MACROD2: variants seen among roughly 807,000 people sequenced by gnomAD.
MACROD2 encodes the protein mono-ADP ribosylhydrolase 2, also known as ADP-ribose glycohydrolase MACROD2.
MACROD2 carries 36 observed loss-of-function variants against 70.4 expected under a neutral mutation model. The ratio of observed to expected loss-of-function variants is 0.51; its 90% CI spans 0.39 to 0.68. The LOEUF is 0.68. Ranked by LOEUF, MACROD2 falls within the 30% of genes least tolerant of loss-of-function variation. MACROD2 has a pLI of 0.00. For synonymous variants in MACROD2, 172 were observed against 178.8 expected, an observed-to-expected ratio of 0.96 and a Z score of 0.30; for missense variants, 496 against 538.4, an observed-to-expected ratio of 0.92 and a Z score of 0.78.
At chr20:14,763,289 A>T (rs982221571) in intron 5 of MACROD2, among the ~76,000 whole-genome samples, 1 of 152,046 alleles carries the variant, frequency 6.6e-6, no homozygotes. Flanking sequence ...CTTGTCGCTC[A>T]TTTGGTGTTA....
At chr20:15,605,117 C>T (rs991563096) in intron 8 of MACROD2, among the ~76,000 whole-genome samples, 3 of 152,130 alleles carry the variant, frequency 2.0e-5, no homozygotes, top group African/African-American at 7.2e-5. Context: ...ACTAATATGT[C>T]GTTTCAGACC....
chr20:15,948,292 C>T (rs1027679987), intron 12 of MACROD2, among the ~76,000 whole-genome samples: 1 of 137,338 alleles, frequency 7.3e-6, no homozygotes, highest in African/African-American at 2.7e-5. Context: ...GTGGGAGGGA[C>T]AATGATCGGC....
At chr20:15,895,969 T>A (rs899274742) in intron 10 of MACROD2, among the ~76,000 whole-genome samples, 2 of 152,242 alleles carry the variant, frequency 1.3e-5, no homozygotes, top group African/African-American at 4.8e-5. Context: ...ATAACCTATG[T>A]CTCTGAATTC....
At chr20:15,930,218 G>C (rs375431785) in intron 10 of MACROD2, among the ~76,000 whole-genome samples, 2 of 152,178 alleles carry the variant, frequency 1.3e-5, no homozygotes, top group South Asian at 4.2e-4. Context: ...TGTGCTTCCT[G>C]TGACGATAGC....
chr20:15,070,521 G>T (rs895609006), intron 5 of MACROD2, among the ~76,000 whole-genome samples: 1 of 152,118 alleles, frequency 6.6e-6, no homozygotes, highest in Admixed American at 6.5e-5. Context: ...GTCTAGTGGG[G>T]AGTGTTTAGC....
chr20:14,724,062 T>G (rs2071500443), intron 5 of MACROD2, among the ~76,000 whole-genome samples: 1 of 152,158 alleles, frequency 6.6e-6, no homozygotes, highest in Non-Finnish European at 1.5e-5. Context: ...AAAATTAAGA[T>G]TTATTTCTTA....
At chr20:14,559,973 A>T (rs115087047) in intron 4 of MACROD2, among the ~76,000 whole-genome samples, 2,144 of 151,822 alleles carry the variant, frequency 0.014, 58 homozygotes, top group African/African-American at 0.049. Flanking sequence ...CTATCTATTC[A>T]CATTTCTCTT....
At chr20:14,104,908 T>C (rs916037712) in intron 3 of MACROD2, among the ~76,000 whole-genome samples, 29 of 152,342 alleles carry the variant, frequency 1.9e-4, no homozygotes, top group African/African-American at 7.0e-4. Flanking sequence ...CCCTCTGCTG[T>C]AGTTCAGTTC....
chr20:14,620,653 C>G (rs916965500), intron 4 of MACROD2, among the ~76,000 whole-genome samples: 2 of 151,888 alleles, frequency 1.3e-5, no homozygotes, highest in Admixed American at 6.6e-5. Flanking sequence ...TATTTGGGAA[C>G]AAGGAGCTGT....
chr20:14,729,865 A>T (rs951759259), intron 5 of MACROD2, among the ~76,000 whole-genome samples: 2 of 152,174 alleles, frequency 1.3e-5, no homozygotes, highest in Non-Finnish European at 2.9e-5. Flanking sequence ...TTATAGTATT[A>T]GAATCATTAG....
chr20:15,834,133 C>T (rs1403273000), intron 8 of MACROD2, among the ~76,000 whole-genome samples: 3 of 152,166 alleles, frequency 2.0e-5, no homozygotes, highest in Middle Eastern at 3.2e-3. Context: ...ATTTTGCCTT[C>T]ACCGCTTACT....
At chr20:15,586,206 GT>G (rs2048599328) in intron 8 of MACROD2, among the ~76,000 whole-genome samples, 2 of 152,162 alleles carry the variant, frequency 1.3e-5, no homozygotes, top group Admixed American at 1.3e-4. Context: ...AGAGGACCTT[GT>G]TAAGGCCACA....
intron 3 of MACROD2, among the ~76,000 whole-genome samples, chr20:14,345,869 G>A (rs2083058430): frequency 6.6e-6 from 1 of 151,826 alleles, no homozygotes; most frequent in Non-Finnish European, 1.5e-5. Flanking sequence ...TGATCACGAG[G>A]TCAAGAGATC....
intron 6 of MACROD2, among the ~76,000 whole-genome samples, chr20:15,251,638 T>C (rs73262743): frequency 0.11 from 16,950 of 152,264 alleles, 1,103 homozygotes; most frequent in African/African-American, 0.15. Context: ...TTAATATTTA[T>C]TTCCCTTTTG....
chr20:14,620,959 C>T (rs1168111937), intron 4 of MACROD2, among the ~76,000 whole-genome samples: 2 of 151,858 alleles, frequency 1.3e-5, no homozygotes, highest in Non-Finnish European at 2.9e-5. Flanking sequence ...GTTTGTATTC[C>T]AAGCAGATGG....
intron 3 of MACROD2, among the ~76,000 whole-genome samples, chr20:14,330,687 A>G (rs979450736): frequency 1.3e-5 from 2 of 152,100 alleles, no homozygotes; most frequent in African/African-American, 4.8e-5. Flanking sequence ...TGGATCAAAC[A>G]GTCTCTAGTG....
At chr20:14,417,790 C>T (rs1304921740) in intron 3 of MACROD2, among the ~76,000 whole-genome samples, 2 of 152,134 alleles carry the variant, frequency 1.3e-5, no homozygotes, top group Admixed American at 6.5e-5. Context: ...AATCCTTCTT[C>T]AAGACTTGTC....
At chr20:15,052,879 G>A (rs2075453917) in intron 5 of MACROD2, among the ~76,000 whole-genome samples, 1 of 152,184 alleles carries the variant, frequency 6.6e-6, no homozygotes, top group South Asian at 2.1e-4. Flanking sequence ...AGTTCTTGAA[G>A]GAAATTAAAA....
intron 4 of MACROD2, among the ~76,000 whole-genome samples, chr20:14,533,411 G>A (rs1485951136): frequency 1.3e-5 from 2 of 152,084 alleles, no homozygotes; most frequent in African/African-American, 4.8e-5. Context: ...GAAGCACATA[G>A]CCACATGACT....
Sources: allele counts gnomAD v4.1 joint callset (sites outside exome capture counted in the v4.1 genomes callset), GRCh38; gene constraint gnomAD v4.1.1; transcripts MANE v1.5; gene names NCBI Gene and HGNC (gene_info 2026-07-23, HGNC 2026-07-21).